Variants in CDH22 observed in about 807,000 individuals in gnomAD.
CDH22 encodes the protein cadherin 22.
Under a neutral mutation model 58.4 loss-of-function variants are expected in CDH22, and 30 were observed. The ratio of observed to expected loss-of-function variants is 0.51; its 90% CI spans 0.38 to 0.70. The LOEUF (loss-of-function observed/expected upper bound fraction) is 0.70. Among genes scored for constraint, CDH22 ranks in the 30% least tolerant of loss-of-function variants. CDH22 has a pLI of 0.00. For synonymous variants in CDH22, 513 were observed against 558.2 expected (o/e 0.92, Z 1.14); for missense variants, 1,014 against 1,233.9 (o/e 0.82, Z 2.67).
At chr20:46,262,974 C>G (rs1247362033) in intron 1 of CDH22, among the ~76,000 whole-genome samples, 1 of 152,174 alleles carries the variant, frequency 6.6e-6, no homozygotes, top group Non-Finnish European at 1.5e-5. Context: ...AGCGCCCAGC[C>G]CCACTGCCCT....
chr20:46,201,299 C>T (rs2085959785), intron 7 of CDH22, among the ~76,000 whole-genome samples: 1 of 152,246 alleles, frequency 6.6e-6, no homozygotes, highest in Admixed American at 6.5e-5. Context: ...TTTGTAGTCT[C>T]CCAGAGTGGG....
chr20:46,222,636 G>A (rs1052495769), intron 4 of CDH22, among the ~76,000 whole-genome samples: 5 of 152,244 alleles, frequency 3.3e-5, no homozygotes, highest in South Asian at 2.1e-4. Context: ...TTCACCCATC[G>A]TCCCCAGTTC....
At chr20:46,305,811 T>A (rs1374542452) in intron 1 of CDH22, among the ~76,000 whole-genome samples, 1 of 152,242 alleles carries the variant, frequency 6.6e-6, no homozygotes. Flanking sequence ...AGACGGGCCC[T>A]CCTGGGCTCC....
At chr20:46,187,731 C>T (rs373451877) in intron 8 of CDH22, among the ~76,000 whole-genome samples, 8 of 151,720 alleles carry the variant, frequency 5.3e-5, no homozygotes, top group African/African-American at 1.9e-4. Flanking sequence ...TGGCCCCCAA[C>T]AACACTGTCA....
chr20:46,224,988 T>C (rs2086160595), intron 4 of CDH22, among the ~76,000 whole-genome samples: 1 of 152,212 alleles, frequency 6.6e-6, no homozygotes, highest in South Asian at 2.1e-4. Flanking sequence ...AATTCCTGCC[T>C]CTGAGCCAAG....
chr20:46,270,376 C>G (rs1404166273), intron 1 of CDH22, among the ~76,000 whole-genome samples: 1 of 152,216 alleles, frequency 6.6e-6, no homozygotes, highest in African/African-American at 2.4e-5. Context: ...TGAGCAGGGC[C>G]CCATCTGGGG....
At chr20:46,232,615 C>T (rs1483238136) in intron 3 of CDH22, among the ~76,000 whole-genome samples, 2 of 152,250 alleles carry the variant, frequency 1.3e-5, no homozygotes, top group Non-Finnish European at 2.9e-5. Flanking sequence ...TTTAGCTTCT[C>T]AAACATTTAT....
intron 1 of CDH22, among the ~76,000 whole-genome samples, chr20:46,258,179 GCA>G (rs1019772128): frequency 1.3e-5 from 2 of 152,124 alleles, no homozygotes; most frequent in African/African-American, 2.4e-5. Flanking sequence ...AGTAGTGGGT[GCA>G]CACACATGAC....
chr20:46,180,493 G>A (rs145881135), intron 10 of CDH22, among the ~76,000 whole-genome samples: 2,110 of 152,308 alleles, frequency 0.014, 45 homozygotes, highest in African/African-American at 0.048. Context: ...AAGAAAGGGG[G>A]CTGGAGGGCA....
Position 46,281,068 on chromosome 20 carries a change from A to G in CDH22, c.-400+27187T>C, listed in dbSNP as rs528378842. Among the ~76,000 whole-genome samples, 113 of 152,332 alleles carry G rather than the reference A, an allele frequency of 7.4e-4. 3 individuals carry two copies. The South Asian group carries it at 8.9e-3, about 12-fold the overall frequency. On this transcript the variant is annotated intron_variant, in intron 1 of 11. Transcript: ENST00000537909. ...ACAAGCAAAGGTCTTCCCAATCTCA[A>G]TTGATTTCTGGGGTCAGCTCACTGG... is the stretch of plus-strand genomic sequence containing the variant.
chr20:46,216,507 G>A lies in CDH22; in HGVS notation c.838+319C>T, dbSNP rs963786856. Among the ~76,000 whole-genome samples, 1 of 152,180 alleles carries A rather than the reference G, an allele frequency of 6.6e-6. No homozygotes were observed. The highest frequency in any genetic ancestry group is 1.5e-5 in the Non-Finnish European group (1 of 68,034). On this transcript the variant is annotated intron_variant, in intron 5 of 11. Transcript: ENST00000537909. The surrounding 1 kb of genome is among the most constrained non-coding windows in gnomAD (Gnocchi z 5.3). The stretch of plus-strand genomic sequence containing the variant: ...AGGGGAGTGGGCAGGGGCCAGTGAG[G>A]GGTTGGAGGATGGACGGAAGGGTGG...
chr20:46,236,668 T>A (rs2086255717), intron 3 of CDH22, among the ~76,000 whole-genome samples: 1 of 138,776 alleles, frequency 7.2e-6, no homozygotes, highest in Admixed American at 7.4e-5. Context: ...TATCTATCTA[T>A]CTATCTATCT....
Position 46,174,926 on chromosome 20 carries a change from C to T in CDH22, c.2067G>A (p.Arg689=), listed in dbSNP as rs745944357. 1.2e-4 allele frequency: 188 copies of T among 1,581,220 alleles called. No homozygotes were observed. The highest frequency in any genetic ancestry group is 1.6e-4 in the Non-Finnish European group (183 of 1,170,390). Residue 689 remains arginine (R), a synonymous_variant, in exon 12 of 12, where the codon CGG becomes CGA. Coordinates refer to ENST00000537909, the MANE Select transcript of CDH22 (RefSeq NM_021248.3). The surrounding 1 kb of genome is among the most constrained non-coding windows in gnomAD (Gnocchi z 4.4). ...DTEAYDMSAL[R]SLYDFGELKG... ...TGAGCTCGCCGAAGTCGTAGAGGCT[C>T]CGCAGCGCCGACATGTCGTAGGCTT...
chr20:46,210,617 T>C lies in CDH22; in HGVS notation c.1033-57A>G, dbSNP rs2086036516. ...GTGGGGTCTGGTGGACACTGAGGCC[T>C]TCACGAGGGAGGCCAAGGCAGGCGG... On this transcript the variant is annotated intron_variant, in intron 6 of 11. Coordinates refer to ENST00000537909, the MANE Select transcript of CDH22 (RefSeq NM_021248.3). This position sits in a 1 kb window ranked among gnomAD's most constrained non-coding sequence, Gnocchi z 4.5. The C allele has an allele frequency of 7.2e-7, 1 of 1,384,238 alleles. No individual in the cohort carries two copies. The allele number at this position is 1,384,238 out of a possible 1,614,324, so 85.7% of individuals were successfully genotyped here.
chr20:46,204,990 C>T lies in CDH22; in HGVS notation c.1286+5317G>A, dbSNP rs558718143. Among the ~76,000 whole-genome samples, 17 of 152,260 alleles carry T rather than the reference C, an allele frequency of 1.1e-4. No homozygotes were observed. The South Asian group carries it at 3.5e-3, about 32-fold the overall frequency. On this transcript the variant is annotated intron_variant, in intron 7 of 11. Transcript: ENST00000537909. ...ACGAGCAGCTGACTGAATGATGCAG[C>T]TGCCGCCCAAGCTGCTCGTGTGTGT...
At chr20:46,303,605 C>G (rs1345312155) in intron 1 of CDH22, among the ~76,000 whole-genome samples, 5 of 152,092 alleles carry the variant, frequency 3.3e-5, no homozygotes, top group Admixed American at 2.6e-4. Flanking sequence ...TATGGTCAGA[C>G]AGGCAGATGG....
intron 3 of CDH22, among the ~76,000 whole-genome samples, chr20:46,230,450 G>A (rs186992977): frequency 6.6e-4 from 101 of 152,186 alleles, no homozygotes; most frequent in Non-Finnish European, 1.3e-3. Context: ...TGTGGCTCTC[G>A]TGAGCTGGTA....
In CDH22 at chr20:46,210,594, G is replaced by T; in HGVS notation, c.1033-34C>A. 1 of 1,418,620 alleles carries T rather than the reference G, an allele frequency of 7.0e-7. No homozygotes were observed. The highest frequency in any genetic ancestry group is 9.2e-7 in the Non-Finnish European group (1 of 1,082,202). 87.9% of individuals were successfully genotyped at this position (1,418,620 alleles called of 1,614,324 possible). Reference sequence around the variant, plus strand: ...GGGAGCAGAGGGCCGGTTAGTGGGTGGGGTCTGGTGGACACTGAGGCCTTC... The same window carrying T: ...GGGAGCAGAGGGCCGGTTAGTGGGTTGGGTCTGGTGGACACTGAGGCCTTC... On this transcript the variant is annotated intron_variant, in intron 6 of 11. Transcript: ENST00000537909. The surrounding 1 kb of genome is among the most constrained non-coding windows in gnomAD (Gnocchi z 4.5).
rs116032048 is a variant in CDH22, at chr20:46,178,550, T to C, written c.1664-353A>G. Among the ~76,000 whole-genome samples the C allele has an allele frequency of 2.9e-3, 424 of 146,796 alleles. 3 individuals are homozygous for C. The highest frequency in any genetic ancestry group is 0.01 in the African/African-American group (407 of 40,100). ...GGTCCCCAGCTATTCCCAGATTCCG[T>C]CCCCAGCTAGGCCAAGGTCCTGTCC... On this transcript the variant is annotated intron_variant, in intron 10 of 11. Coordinates refer to ENST00000537909, the MANE Select transcript of CDH22 (RefSeq NM_021248.3).
Sources: gnomAD v4.1 joint callset for allele counts (sites outside exome capture counted in the v4.1 genomes callset) on GRCh38, gnomAD v4.1.1 for gene constraint, Gnocchi (gnomAD v3.1) non-coding constraint, MANE v1.5 for transcripts, NCBI Gene and HGNC (gene_info 2026-07-23, HGNC 2026-07-21) for gene names.